FBP1: variants seen among roughly 807,000 people sequenced by gnomAD.
FBP1 encodes the protein fructose-bisphosphatase 1.
FBP1 carries 22 observed loss-of-function variants against 29.9 expected under a neutral mutation model. That is an observed-to-expected ratio of 0.74 (90% CI 0.53 to 1.05). The LOEUF (loss-of-function observed/expected upper bound fraction) is 1.05. Among genes scored for constraint, FBP1 ranks in the 50% least tolerant of loss-of-function variants. The pLI, the probability that FBP1 is intolerant of heterozygous loss-of-function variation, is 0.00. For synonymous variants in FBP1, 175 were observed against 178.6 expected (o/e 0.98, Z 0.16); for missense variants, 345 against 448.2 (o/e 0.77, Z 2.08).
intron 5 of FBP1, 144 bp downstream of exon 5, chr9:94,606,671 C>T (rs947958295): frequency 2.3e-5 from 18 of 766,528 alleles, no homozygotes; most frequent in Non-Finnish European, 3.6e-5. Context: ...AATAGATTTC[C>T]ACACTGCTCA....
chr9:94,623,564 A>C (rs1488276244), intron 1 of FBP1, among the ~76,000 whole-genome samples: 2 of 152,246 alleles, frequency 1.3e-5, no homozygotes, highest in Non-Finnish European at 2.9e-5. Context: ...GAGGGGCCGA[A>C]GGCACTGGAC....
intron 1 of FBP1, 28 bp downstream of exon 1, chr9:94,639,113 G>T: frequency 6.4e-7 from 1 of 1,574,322 alleles, no homozygotes; most frequent in South Asian, 1.2e-5. Context: ...CAGACAGGAC[G>T]GGGCCCACCG....
At chr9:94,623,479 T>C (rs866450527) in intron 1 of FBP1, among the ~76,000 whole-genome samples, 2 of 152,142 alleles carry the variant, frequency 1.3e-5, no homozygotes, top group African/African-American at 2.4e-5. Flanking sequence ...TTGCATGAGA[T>C]GACATACACA....
chr9:94,605,701 C>G (rs1378935658), intron 5 of FBP1, 125 bp from the exon 6 acceptor site: 2 of 936,904 alleles, frequency 2.1e-6, no homozygotes, highest in Non-Finnish European at 3.3e-6. Context: ...GTATTTGGGG[C>G]TGTGCTAAAA....
At chr9:94,605,282 C>T (rs1049506237) in intron 6 of FBP1, among the ~76,000 whole-genome samples, 175 bp downstream of exon 6, 2 of 152,196 alleles carry the variant, frequency 1.3e-5, no homozygotes, top group African/African-American at 4.8e-5. Context: ...CTATTTTTAT[C>T]TTTAGTTGAT....
chr9:94,636,200 C>T (rs1828188048), intron 1 of FBP1, among the ~76,000 whole-genome samples: 2 of 152,024 alleles, frequency 1.3e-5, no homozygotes, highest in South Asian at 4.1e-4. Context: ...CACATATTGG[C>T]CAGGCACAGT....
At chr9:94,630,716 A>G (rs1459494432) in intron 1 of FBP1, among the ~76,000 whole-genome samples, 3 of 152,200 alleles carry the variant, frequency 2.0e-5, no homozygotes, top group Non-Finnish European at 2.9e-5. Flanking sequence ...GCATAACACA[A>G]CCATGCGGAG....
chr9:94,616,178 G>C (rs1351473126), intron 3 of FBP1, among the ~76,000 whole-genome samples: 1 of 152,108 alleles, frequency 6.6e-6, no homozygotes, highest in Non-Finnish European at 1.5e-5. Flanking sequence ...ACAGAGTTCA[G>C]CTGAACCAAC....
intron 3 of FBP1, among the ~76,000 whole-genome samples, chr9:94,610,957 G>A (rs868067104): frequency 9.9e-5 from 15 of 151,558 alleles, no homozygotes; most frequent in African/African-American, 2.9e-4. Context: ...TCCGCCTCGC[G>A]GGTTCACACC....
intron 1 of FBP1, among the ~76,000 whole-genome samples, chr9:94,622,245 A>G (rs960463941): frequency 3.3e-5 from 5 of 152,250 alleles, no homozygotes; most frequent in African/African-American, 1.2e-4. Context: ...GTTGCCCTGA[A>G]CACAGAAAGG....
intron 4 of FBP1, among the ~76,000 whole-genome samples, chr9:94,608,782 C>T (rs942696946): frequency 1.3e-5 from 2 of 152,180 alleles, no homozygotes; most frequent in Admixed American, 1.3e-4. Context: ...ACAGACCCGG[C>T]CTCACCTCCA....
intron 3 of FBP1, among the ~76,000 whole-genome samples, chr9:94,615,389 T>C (rs897071067): frequency 3.3e-5 from 5 of 152,014 alleles, no homozygotes; most frequent in African/African-American, 1.2e-4. Context: ...AAGTATTATT[T>C]GGGGGGACTG....
Position 94,639,203 on chromosome 9 carries a change from G to A in FBP1, c.108C>T (p.Asn36=). 6.2e-7 allele frequency: 1 copy of A among 1,604,056 alleles called. No individual in the cohort carries two copies. Among genetic ancestry groups the A allele is most frequent in the East Asian group, 2.3e-5 (1 of 44,340 alleles). The change falls in exon 1 of 7, where the codon AAC becomes AAT. Residue 36 remains asparagine, a synonymous_variant. Transcript: ENST00000375326. ...RGTGELTQLL[N]SLCTAVKAIS... is the part of the protein sequence containing the mutation. Reference sequence around the variant, plus strand: ...TGGCTTTGACTGCTGTGCAGAGCGAGTTGAGCAGCTGGGTCAACTCGCCCG... The same window carrying A: ...TGGCTTTGACTGCTGTGCAGAGCGAATTGAGCAGCTGGGTCAACTCGCCCG...
At chr9:94,628,045 T>C (rs1400608749) in intron 1 of FBP1, among the ~76,000 whole-genome samples, 2 of 152,196 alleles carry the variant, frequency 1.3e-5, no homozygotes, top group East Asian at 1.9e-4. Flanking sequence ...GCAATTTTGA[T>C]TGAGCCAGTG....
At chr9:94,618,401 G>A (rs1005407107) in intron 2 of FBP1, among the ~76,000 whole-genome samples, 4 of 142,240 alleles carry the variant, frequency 2.8e-5, no homozygotes, top group African/African-American at 5.2e-5. Context: ...CAGGAGGATT[G>A]CTTGAGCCCA....
chr9:94,604,194 CCTGAGT>C (rs1400249290), intron 6 of FBP1, among the ~76,000 whole-genome samples: 1 of 151,970 alleles, frequency 6.6e-6, no homozygotes, highest in African/African-American at 2.4e-5. Flanking sequence ...GCAGGTGTTT[CCTGAGT>C]CTATTTCCAC....
rs1827686067 is a variant in FBP1, at chr9:94,605,591, C to T, written c.706-15G>A. On this transcript the variant is annotated splice_polypyrimidine_tract_variant and intron_variant, in intron 5 of 6. Coordinates refer to ENST00000375326, the MANE Select transcript of FBP1 (RefSeq NM_000507.4). Reference sequence around the variant, plus strand: ...GCTGAATTATCCTGCAAGTTAAGACCAGCAAGAATTAGGATTGCAGAAAAT... The same window carrying T: ...GCTGAATTATCCTGCAAGTTAAGACTAGCAAGAATTAGGATTGCAGAAAAT... 6.2e-7 allele frequency: 1 copy of T among 1,613,152 alleles called. No homozygotes were observed. Among genetic ancestry groups the T allele is most frequent in the Non-Finnish European group, 8.5e-7 (1 of 1,179,640 alleles).
Position 94,639,436 on chromosome 9 carries a change from G to A in FBP1, c.-126C>T, listed in dbSNP as rs1828251775. 1.8e-6 allele frequency: 2 copies of A among 1,102,566 alleles called. No individual in the cohort carries two copies. Among genetic ancestry groups the A allele is most frequent in the Admixed American group, 4.0e-5 (2 of 50,066 alleles). The allele number at this position is 1,102,566 out of a possible 1,614,324, so 68.3% of individuals were successfully genotyped here. On this transcript the variant is annotated 5_prime_UTR_variant, in exon 1 of 7. Coordinates refer to ENST00000375326, the MANE Select transcript of FBP1 (RefSeq NM_000507.4). Reference sequence around the variant, plus strand: ...GGAGCTGCAGGTGCGGGCGGCAGGTGCGGGCCGCGGGACCTGGCGGGAGGA... The same window carrying A: ...GGAGCTGCAGGTGCGGGCGGCAGGTACGGGCCGCGGGACCTGGCGGGAGGA...
chr9:94,625,631 T>C (rs904878690), intron 1 of FBP1, among the ~76,000 whole-genome samples: 1 of 152,142 alleles, frequency 6.6e-6, no homozygotes, highest in African/African-American at 2.4e-5. Context: ...CCGTCTCTAC[T>C]AAAAATACAA....
Sources: gnomAD v4.1 joint callset for allele counts (sites outside exome capture counted in the v4.1 genomes callset) on GRCh38, gnomAD v4.1.1 for gene constraint, MANE v1.5 for transcripts, NCBI Gene and HGNC (gene_info 2026-07-23, HGNC 2026-07-21) for gene names.